The following BPNT2 variants were observed in gnomAD, a reference collection of about 807,000 sequenced individuals.
BPNT2 encodes the protein 3'(2'), 5'-bisphosphate nucleotidase 2.
BPNT2 carries 11 observed loss-of-function variants against 29.3 expected under a neutral mutation model. The ratio of observed to expected loss-of-function variants is 0.38; its 90% CI spans 0.24 to 0.62. BPNT2 has a LOEUF of 0.62. BPNT2 is among the 20% of genes least tolerant of loss of function. The pLI, the probability that BPNT2 is intolerant of heterozygous loss-of-function variation, is 0.62. For missense variants in BPNT2, 459 were observed against 473.4 expected (o/e 0.97, Z 0.28); for synonymous variants, 195 against 187.7 (o/e 1.04, Z -0.32).
chr8:56,980,815 CAT>C (rs1554540128), intron 1 of BPNT2, among the ~76,000 whole-genome samples: 6 of 111,334 alleles, frequency 5.4e-5, no homozygotes, highest in African/African-American at 1.1e-4. Flanking sequence ...TACATACATA[CAT>C]ATACACACAC....
At chr8:56,981,382 T>A (rs1171110993) in intron 1 of BPNT2, among the ~76,000 whole-genome samples, 1 of 152,138 alleles carries the variant, frequency 6.6e-6, no homozygotes, top group Non-Finnish European at 1.5e-5. Context: ...CTGGCCGACA[T>A]GGTAAAACCC....
In BPNT2 at chr8:56,993,450, C is replaced by G. The variant is rs1160676872; in HGVS notation, c.136G>C (p.Gly46Arg). The change falls in exon 1 of 5, where the codon GGC becomes CGC. Residue 46 changes from glycine to arginine, a missense_variant. Transcript: ENST00000262644. ...GCCGCGGGCCCCGCCGCGCCGCCGC[C>G]AGGCTCGCCGCCCAGGCCGAAGAGG... is the stretch of plus-strand genomic sequence containing the variant. ...FSLFGLGGEPGGGAAGPAAAA... is the reference protein window; with the variant it reads ...FSLFGLGGEPRGGAAGPAAAA... The G allele has an allele frequency of 1.1e-5, 16 of 1,474,710 alleles. No homozygotes were observed. The highest frequency in any genetic ancestry group is 1.4e-5 in the Non-Finnish European group (16 of 1,117,030). 91.4% of individuals were successfully genotyped at this position (1,474,710 alleles called of 1,614,324 possible).
intron 1 of BPNT2, among the ~76,000 whole-genome samples, chr8:56,985,457 T>C (rs1318319435): frequency 6.6e-6 from 1 of 151,974 alleles, no homozygotes; most frequent in Non-Finnish European, 1.5e-5. Context: ...CCCTGGCCAA[T>C]CCCTGCCCCC....
Position 56,966,303 on chromosome 8 carries a change from G to A in BPNT2, c.696C>T (p.Tyr232=), listed in dbSNP as rs765594112. The A allele has an allele frequency of 2.5e-6, 4 of 1,613,790 alleles. No individual in the cohort carries two copies. Among genetic ancestry groups the A allele is most frequent in the Non-Finnish European group, 8.5e-7 (1 of 1,179,804 alleles). Residue 232 remains tyrosine, a synonymous_variant, in exon 4 of 5, where the codon TAC becomes TAT. Coordinates refer to ENST00000262644, the MANE Select transcript of BPNT2 (RefSeq NM_017813.5). ...GGSNVKARSS[Y]NEKTPRIVVS... is the part of the protein sequence containing the mutation. The stretch of plus-strand genomic sequence containing the variant: ...CAACGATCCTTGGGGTCTTCTCATT[G>A]TAGGAAGAGCGGGCTTTCACATTTG...
chr8:56,967,482 T>C (rs1375732402), intron 3 of BPNT2, among the ~76,000 whole-genome samples: 2 of 151,976 alleles, frequency 1.3e-5, no homozygotes, highest in Admixed American at 1.3e-4. Context: ...AGTGTGGGGA[T>C]TATAGCAAGA....
chr8:56,990,259 TCAAA>T (rs920009663), intron 1 of BPNT2, among the ~76,000 whole-genome samples: 22 of 152,194 alleles, frequency 1.4e-4, no homozygotes, highest in Admixed American at 2.0e-4. Flanking sequence ...CAGGAGCCCC[TCAAA>T]CAGACAGTCC....
At chr8:56,965,572 T>A (rs1258719254) in intron 4 of BPNT2, among the ~76,000 whole-genome samples, 1 of 152,168 alleles carries the variant, frequency 6.6e-6, no homozygotes, top group Non-Finnish European at 1.5e-5. Flanking sequence ...AAAAGTTCAT[T>A]AAAGAAAATC....
At chr8:56,992,742 CACTA>C (rs1806438969) in intron 1 of BPNT2, among the ~76,000 whole-genome samples, 1 of 149,610 alleles carries the variant, frequency 6.7e-6, no homozygotes, top group Admixed American at 6.7e-5. Flanking sequence ...ATGCCCCGCA[CACTA>C]ACAGCTCTGC....
intron 3 of BPNT2, among the ~76,000 whole-genome samples, chr8:56,967,370 A>G (rs1026720932): frequency 6.6e-6 from 1 of 152,180 alleles, no homozygotes; most frequent in African/African-American, 2.4e-5. Flanking sequence ...CTCTGTACCT[A>G]CAGAGTAAGT....
chr8:56,986,839 G>C (rs1169399193), intron 1 of BPNT2, among the ~76,000 whole-genome samples: 3 of 152,152 alleles, frequency 2.0e-5, no homozygotes, highest in African/African-American at 7.2e-5. Flanking sequence ...TCTTTACAAT[G>C]AATGGTGCAT....
intron 1 of BPNT2, among the ~76,000 whole-genome samples, chr8:56,991,799 A>G (rs910178499): frequency 1.3e-5 from 2 of 152,196 alleles, no homozygotes; most frequent in Non-Finnish European, 2.9e-5. Context: ...TGTTTCCTCT[A>G]TAAATTCTTG....
chr8:56,985,559 A>C (rs985022549), intron 1 of BPNT2, among the ~76,000 whole-genome samples: 2 of 152,208 alleles, frequency 1.3e-5, no homozygotes, highest in Non-Finnish European at 2.9e-5. Context: ...TAGAAGGGTA[A>C]GCATAAAAAG....
chr8:56,985,117 T>A (rs575146581), intron 1 of BPNT2, among the ~76,000 whole-genome samples: 29 of 152,152 alleles, frequency 1.9e-4, no homozygotes, highest in Middle Eastern at 3.4e-3. Context: ...CCCTATTTTT[T>A]CTTCTTCAAA....
intron 1 of BPNT2, among the ~76,000 whole-genome samples, chr8:56,981,380 C>G (rs189799237): frequency 6.6e-6 from 1 of 152,284 alleles, no homozygotes; most frequent in East Asian, 1.9e-4. Flanking sequence ...TCCTGGCCGA[C>G]ATGGTAAAAC....
chr8:56,980,319 T>C, intron 1 of BPNT2, 122 bp from the exon 2 acceptor site: 1 of 788,732 alleles, frequency 1.3e-6, no homozygotes, highest in Admixed American at 2.3e-5. Flanking sequence ...TATTTTTATT[T>C]CTTTTGATGC....
In BPNT2 at chr8:56,993,230, T is replaced by C. The variant is rs750520263; in HGVS notation, c.356A>G (p.Tyr119Cys). Residue 119 changes from tyrosine to cysteine, a missense_variant, in exon 1 of 5, where the codon TAC becomes TGC. Transcript: ENST00000262644. ...GCTGGGGAAGGCGGTCTTGAGCAGGTAGAACATCTTGCGGTTGGACAGCAC... is the reference window on the plus strand; with the variant it reads ...GCTGGGGAAGGCGGTCTTGAGCAGGCAGAACATCTTGCGGTTGGACAGCAC... ...GDVLSNRKMF[Y>C]LLKTAFPSVQ... 2.6e-5 allele frequency: 41 copies of C among 1,605,310 alleles called. No homozygotes were observed. Among genetic ancestry groups the C allele is most frequent in the Admixed American group, 3.3e-5 (2 of 59,968 alleles).
At chr8:56,988,870 CAG>C (rs890754663) in intron 1 of BPNT2, among the ~76,000 whole-genome samples, 7 of 152,334 alleles carry the variant, frequency 4.6e-5, no homozygotes, top group South Asian at 2.1e-4. Flanking sequence ...GTGAAAGCTA[CAG>C]AGGAGTTATT....
chr8:56,992,087 A>C (rs1474511408), intron 1 of BPNT2, among the ~76,000 whole-genome samples: 1 of 152,220 alleles, frequency 6.6e-6, no homozygotes, highest in South Asian at 2.1e-4. Flanking sequence ...AGGAGAATAA[A>C]AAACAAAACC....
chr8:56,962,846 A>T lies in BPNT2; in HGVS notation c.*947T>A, dbSNP rs2129203088. ...ATACTAAAACAAAGTGTCTGAAGAT[A>T]ATGAAAGGCAGTTCAATTCATGTAA... On this transcript the variant is annotated 3_prime_UTR_variant, in exon 5 of 5. Coordinates refer to ENST00000262644, the MANE Select transcript of BPNT2 (RefSeq NM_017813.5). The T allele has an allele frequency of 6.6e-6, 1 of 152,346 alleles. No individual in the cohort carries two copies. The highest frequency in any genetic ancestry group is 2.4e-5 in the African/African-American group (1 of 41,580). The allele number at this position is 152,346 out of a possible 1,614,324, so 9.4% of individuals were successfully genotyped here. A position where few individuals can be genotyped will look rare whatever the true frequency, so the allele number is the denominator to read the frequency against.
Sources: allele counts gnomAD v4.1 joint callset (sites outside exome capture counted in the v4.1 genomes callset), GRCh38; gene constraint gnomAD v4.1.1; transcripts MANE v1.5; gene names NCBI Gene and HGNC (gene_info 2026-07-23, HGNC 2026-07-21).